Variants in FAM168A observed in about 807,000 individuals in gnomAD.
FAM168A encodes protein FAM168A.
FAM168A carries 3 observed loss-of-function variants against 28.5 expected under a neutral mutation model. The ratio of observed to expected loss-of-function variants is 0.11; its 90% CI spans 0.05 to 0.27. The LOEUF (loss-of-function observed/expected upper bound fraction) is 0.27, where lower values mean the gene tolerates loss of function less well. Ranked by LOEUF, FAM168A falls within the 10% of genes least tolerant of loss-of-function variation. The pLI is 1.00. For synonymous variants in FAM168A, 122 were observed against 124.2 expected (o/e 0.98, Z 0.12); for missense variants, 222 against 311.5 (o/e 0.71, Z 2.16).
chr11:73,536,217 G>T (rs1943579302), intron 1 of FAM168A, among the ~76,000 whole-genome samples: 1 of 152,100 alleles, frequency 6.6e-6, no homozygotes, highest in African/African-American at 2.4e-5. Flanking sequence ...AGAATCACCA[G>T]ATATACAGGA....
At chr11:73,455,156 C>G (rs1867506099) in intron 2 of FAM168A, among the ~76,000 whole-genome samples, 1 of 152,216 alleles carries the variant, frequency 6.6e-6, no homozygotes, top group Non-Finnish European at 1.5e-5. Context: ...GCCTTGGGGC[C>G]CGCACAGAGT....
intron 1 of FAM168A, 28 bp from the exon 2 acceptor site, chr11:73,468,520 T>C (rs1867770756): frequency 6.6e-7 from 1 of 1,505,858 alleles, no homozygotes; most frequent in East Asian, 2.3e-5. Context: ...AAAACAGCAC[T>C]GATATTGATT....
At chr11:73,557,340 G>A (rs1002853740) in intron 1 of FAM168A, among the ~76,000 whole-genome samples, 41 of 151,882 alleles carry the variant, frequency 2.7e-4, no homozygotes, top group African/African-American at 9.9e-4. Flanking sequence ...TGGGGTAGGG[G>A]AGAAATGAGA....
chr11:73,493,552 T>C (rs1436223414), intron 1 of FAM168A, among the ~76,000 whole-genome samples: 1 of 151,902 alleles, frequency 6.6e-6, no homozygotes, highest in African/African-American at 2.4e-5. Context: ...AGTAGCTGGG[T>C]CTACCGACGT....
intron 2 of FAM168A, among the ~76,000 whole-genome samples, chr11:73,431,432 A>G (rs1866992370): frequency 6.8e-6 from 1 of 147,136 alleles, no homozygotes; most frequent in Non-Finnish European, 1.5e-5. Flanking sequence ...TTCCTGCCGC[A>G]CTACTCTCCT....
At chr11:73,408,030 C>T (rs1362571326) in intron 6 of FAM168A, among the ~76,000 whole-genome samples, 2 of 152,214 alleles carry the variant, frequency 1.3e-5, no homozygotes, top group Non-Finnish European at 2.9e-5. Context: ...CATCACCACA[C>T]TCGGCTGATT....
chr11:73,418,416 C>G (rs1294454328), intron 4 of FAM168A, among the ~76,000 whole-genome samples: 1 of 152,236 alleles, frequency 6.6e-6, no homozygotes, highest in Admixed American at 6.5e-5. Flanking sequence ...TGACTGTAAG[C>G]TTCCTGAGGC....
intron 3 of FAM168A, among the ~76,000 whole-genome samples, chr11:73,420,581 C>A (rs1748604938): frequency 2.0e-5 from 3 of 152,224 alleles, no homozygotes; most frequent in Admixed American, 2.0e-4. Context: ...CAGTGGGGCA[C>A]TCCTTGCTAA....
At chr11:73,522,203 C>CAAAAAAAAAA (rs5792619) in intron 1 of FAM168A, among the ~76,000 whole-genome samples, 1 of 144,524 alleles carries the variant, frequency 6.9e-6, no homozygotes, top group Non-Finnish European at 1.5e-5. Context: ...TCTAGTCCAC[C>CAAAAAAAAAA]AAAAAAAAAA....
rs1023356533 is a variant in FAM168A at position 73,404,668 on chromosome 11, G to A, written c.*2095C>T. 1 of 152,218 alleles carries A rather than the reference G, an allele frequency of 6.6e-6. No homozygotes were observed. Among genetic ancestry groups the A allele is most frequent in the African/African-American group, 2.4e-5 (1 of 41,468 alleles). 9.4% of individuals were successfully genotyped at this position (152,218 alleles called of 1,614,324 possible). ...TTACTGGTCCTAAAGTTCCTTGGAA[G>A]CCCAGGAAGGTGGGCCCCCAAACTC... On this transcript the variant is annotated 3_prime_UTR_variant, in exon 8 of 8. Coordinates refer to ENST00000356467, the MANE Select transcript of FAM168A (RefSeq NM_015159.3).
intron 1 of FAM168A, among the ~76,000 whole-genome samples, chr11:73,507,809 G>A (rs1855143759): frequency 6.6e-6 from 1 of 152,110 alleles, no homozygotes; most frequent in African/African-American, 2.4e-5. Flanking sequence ...TGGATCACAG[G>A]ATGCGAAACC....
intron 1 of FAM168A, among the ~76,000 whole-genome samples, chr11:73,536,925 C>CAAAGCATT (rs1204638747): frequency 2.0e-5 from 3 of 152,092 alleles, no homozygotes; most frequent in African/African-American, 7.2e-5. Context: ...GGGTCATAGA[C>CAAAGCATT]AAAGCATTAA....
chr11:73,484,711 GAT>G (rs200499459), intron 1 of FAM168A, among the ~76,000 whole-genome samples: 85 of 129,066 alleles, frequency 6.6e-4, no homozygotes, highest in African/African-American at 2.5e-3. Flanking sequence ...GATATATATA[GAT>G]ATATATATAG....
At chr11:73,437,400 CT>C (rs747204512) in intron 2 of FAM168A, among the ~76,000 whole-genome samples, 12,330 of 103,350 alleles carry the variant, frequency 0.12, 446 homozygotes, top group African/African-American at 0.21. Context: ...CCCGGCCACT[CT>C]TTTTTTTTTT....
chr11:73,434,774 G>C (rs917340592), intron 2 of FAM168A, among the ~76,000 whole-genome samples: 1 of 152,234 alleles, frequency 6.6e-6, no homozygotes, highest in African/African-American at 2.4e-5. Flanking sequence ...GGGTCACTCT[G>C]ATTGATGTGT....
intron 1 of FAM168A, among the ~76,000 whole-genome samples, chr11:73,550,937 C>T (rs1052478175): frequency 6.6e-6 from 1 of 152,056 alleles, no homozygotes; most frequent in Admixed American, 6.6e-5. Flanking sequence ...GAAACCCTGT[C>T]TCTACTAAAA....
chr11:73,482,425 A>G (rs1435813322), intron 1 of FAM168A, among the ~76,000 whole-genome samples: 1 of 152,018 alleles, frequency 6.6e-6, no homozygotes, highest in African/African-American at 2.4e-5. Context: ...GTGAAAGCAT[A>G]CTTCCAGGAA....
chr11:73,576,297 T>C (rs193134532), intron 1 of FAM168A, among the ~76,000 whole-genome samples: 6 of 152,286 alleles, frequency 3.9e-5, no homozygotes, highest in Admixed American at 3.3e-4. Context: ...ATAAAGGGAA[T>C]TGTCAGCCAG....
intron 2 of FAM168A, among the ~76,000 whole-genome samples, chr11:73,453,579 A>G (rs938175790): frequency 6.6e-6 from 1 of 152,238 alleles, no homozygotes; most frequent in Admixed American, 6.5e-5. Context: ...GTTCTTCCAG[A>G]TCAATTATCT....
Sources: gnomAD v4.1 joint callset for allele counts (sites outside exome capture counted in the v4.1 genomes callset) on GRCh38, gnomAD v4.1.1 for gene constraint, MANE v1.5 for transcripts, NCBI Gene and HGNC (gene_info 2026-07-23, HGNC 2026-07-21) for gene names.